The following CDR2 variants were observed in gnomAD, a reference collection of about 807,000 sequenced individuals.
CDR2 encodes the protein cerebellar degeneration-related protein 2.
In CDR2, 34 loss-of-function variants were observed where a neutral mutation model predicts 48.4. The ratio of observed to expected loss-of-function variants is 0.70; its 90% CI spans 0.53 to 0.94. CDR2 has a LOEUF of 0.94. Among genes scored for constraint, CDR2 ranks in the 40% least tolerant of loss-of-function variants. CDR2 has a pLI of 0.00. For missense variants in CDR2, 498 were observed against 549.5 expected (o/e 0.91, Z 0.94); for synonymous variants, 240 against 219.7 (o/e 1.09, Z -0.82).
chr16:22,357,893 T>G (rs2048985754), intron 2 of CDR2, among the ~76,000 whole-genome samples: 1 of 152,224 alleles, frequency 6.6e-6, no homozygotes, highest in South Asian at 2.1e-4. Context: ...ATATTTTGGT[T>G]TTAGATGACT....
At chr16:22,361,897 CTTTTT>C (rs11303236) in intron 2 of CDR2, among the ~76,000 whole-genome samples, 6 of 68,160 alleles carry the variant, frequency 8.8e-5, no homozygotes, top group Admixed American at 3.8e-4. Context: ...GAATTTTATA[CTTTTT>C]TTTTTTTTTT....
chr16:22,371,566 TAA>T (rs2049076581), intron 1 of CDR2, among the ~76,000 whole-genome samples: 1 of 152,220 alleles, frequency 6.6e-6, no homozygotes, highest in African/African-American at 2.4e-5. Context: ...AAAGAGCAGA[TAA>T]TACATTTTTG....
rs539223825 is a variant in CDR2, at chr16:22,349,852, G to T, written c.193-3C>A. 1.1e-4 allele frequency: 175 copies of T among 1,613,922 alleles called. 2 individuals carry two copies. The South Asian group carries it at 1.8e-3, about 17-fold the overall frequency. ...AGTTCCACTTGCTTCGTCAGATACT[G>T]TAAGAGAAGATCAGGACCAGGTGAC... On this transcript the variant is annotated splice_region_variant and splice_polypyrimidine_tract_variant and intron_variant, in intron 2 of 4. Coordinates refer to ENST00000268383, the MANE Select transcript of CDR2 (RefSeq NM_001802.2).
Position 22,347,327 on chromosome 16 carries a change from C to T in CDR2, c.1003G>A (p.Ala335Thr). The T allele has an allele frequency of 1.2e-6, 2 of 1,614,254 alleles. No individual in the cohort carries two copies. The highest frequency in any genetic ancestry group is 1.7e-6 in the Non-Finnish European group (2 of 1,180,038). ...KGHEETCIRR[A>T]KAVKQRGISL... ...ATGCCCCTCTGTTTCACAGCCTTGG[C>T]CCTCCTGATGCAGGTCTCCTCGTGG... Residue 335 changes from alanine (A) to threonine (T), a missense_variant, in exon 5 of 5, where the codon GCC becomes ACC. Physicochemically the swap from Ala to Thr is moderately conservative, Grantham distance 58. Coordinates refer to ENST00000268383, the MANE Select transcript of CDR2 (RefSeq NM_001802.2).
chr16:22,369,704 A>T (rs2049064336), intron 1 of CDR2, among the ~76,000 whole-genome samples: 1 of 152,226 alleles, frequency 6.6e-6, no homozygotes. Context: ...GTCTTTAAAA[A>T]AAGTTCATTT....
chr16:22,371,235 G>C (rs1022232380), intron 1 of CDR2, among the ~76,000 whole-genome samples: 1 of 151,998 alleles, frequency 6.6e-6, no homozygotes, highest in African/African-American at 2.4e-5. Context: ...GTTTTAAGCA[G>C]TTCTCTCCAA....
intron 1 of CDR2, among the ~76,000 whole-genome samples, chr16:22,368,621 C>G (rs1287538890): frequency 6.6e-6 from 1 of 152,150 alleles, no homozygotes; most frequent in Non-Finnish European, 1.5e-5. Flanking sequence ...TAATCAAGCT[C>G]CAAGGTGAGT....
At chr16:22,351,456 T>A (rs957252525) in intron 2 of CDR2, among the ~76,000 whole-genome samples, 1 of 152,206 alleles carries the variant, frequency 6.6e-6, no homozygotes, top group Non-Finnish European at 1.5e-5. Flanking sequence ...TCCACAATGG[T>A]TGAACTAATT....
At chr16:22,364,099 C>T (rs978044126) in intron 2 of CDR2, among the ~76,000 whole-genome samples, 2 of 152,064 alleles carry the variant, frequency 1.3e-5, no homozygotes, top group African/African-American at 4.8e-5. Flanking sequence ...GCCACCACAC[C>T]AGCCTAATTT....
intron 1 of CDR2, among the ~76,000 whole-genome samples, chr16:22,372,491 C>A (rs1459660605): frequency 6.6e-6 from 1 of 152,106 alleles, no homozygotes; most frequent in East Asian, 1.9e-4. Flanking sequence ...CCCTCTATGC[C>A]CTTAAAGATT....
intron 1 of CDR2, among the ~76,000 whole-genome samples, chr16:22,369,806 T>C (rs912757178): frequency 2.0e-5 from 3 of 151,528 alleles, no homozygotes; most frequent in Non-Finnish European, 4.4e-5. Context: ...GTGGAGGGAA[T>C]AGAATATTGA....
At chr16:22,369,815 G>C (rs1020269439) in intron 1 of CDR2, among the ~76,000 whole-genome samples, 4 of 151,736 alleles carry the variant, frequency 2.6e-5, no homozygotes, top group African/African-American at 9.7e-5. Context: ...ATAGAATATT[G>C]AATGTCCCTT....
rs1421747995 is a variant in CDR2, at chr16:22,346,464, T to A, written c.*501A>T. The A allele has an allele frequency of 9.6e-5, 15 of 156,306 alleles. No homozygotes were observed. The highest frequency in any genetic ancestry group is 2.9e-4 in the African/African-American group (12 of 41,466). 9.7% of individuals were successfully genotyped at this position (156,306 alleles called of 1,614,324 possible). On this transcript the variant is annotated 3_prime_UTR_variant, in exon 5 of 5. Coordinates refer to ENST00000268383, the MANE Select transcript of CDR2 (RefSeq NM_001802.2). ...GGACTTGGAGTATTGGTTAATGACA[T>A]TTCTTTTGGATTAGACCCCTGCTTT...
rs774731079 is a variant in CDR2, at chr16:22,347,788, ATCT to A, written c.539_541del (p.Lys180del). ...GCTTGGCTGACCTTGCAAGGAAGTGATCTTCTCAGCGAACACATGATCATACAC... is the reference window on the plus strand; with the variant it reads ...GCTTGGCTGACCTTGCAAGGAAGTGATCTCAGCGAACACATGATCATACAC... On this transcript the variant is annotated inframe_deletion, in exon 5 of 5. Coordinates refer to ENST00000268383, the MANE Select transcript of CDR2 (RefSeq NM_001802.2). 1.9e-6 allele frequency: 3 copies of A among 1,613,738 alleles called. No homozygotes were observed. The highest frequency in any genetic ancestry group is 1.7e-6 in the Non-Finnish European group (2 of 1,179,992).
chr16:22,351,541 C>T (rs545308226), intron 2 of CDR2, among the ~76,000 whole-genome samples: 3 of 152,138 alleles, frequency 2.0e-5, no homozygotes, highest in Admixed American at 2.0e-4. Context: ...AAATCAATCT[C>T]TTTCTCTGAA....
At chr16:22,363,427 T>C (rs1046484853) in intron 2 of CDR2, among the ~76,000 whole-genome samples, 9 of 152,352 alleles carry the variant, frequency 5.9e-5, no homozygotes, top group Non-Finnish European at 5.9e-5. Flanking sequence ...TTTATGTTAC[T>C]AGGTAAAATT....
chr16:22,372,868 T>C (rs1018147633), intron 1 of CDR2, among the ~76,000 whole-genome samples: 2 of 152,222 alleles, frequency 1.3e-5, no homozygotes, highest in Non-Finnish European at 2.9e-5. Flanking sequence ...TCTACATTCT[T>C]TTCTTCTGCC....
At position 22,345,937 on chromosome 16, in the gene CDR2, T is replaced by C. The variant is rs2048901178; in HGVS notation, c.*1028A>G. On this transcript the variant is annotated 3_prime_UTR_variant, in exon 5 of 5. Coordinates refer to ENST00000268383, the MANE Select transcript of CDR2 (RefSeq NM_001802.2). ...GAAAGTAAGACACAGATCCATCTGT[T>C]CATTTTCATAGGTAGCTTTATTTGG... is the stretch of plus-strand genomic sequence containing the variant. 1 of 152,682 alleles carries C rather than the reference T, an allele frequency of 6.5e-6. No individual in the cohort carries two copies. Among genetic ancestry groups the C allele is most frequent in the Non-Finnish European group, 1.5e-5 (1 of 68,040 alleles). The allele number at this position is 152,682 out of a possible 1,614,324, so 9.5% of individuals were successfully genotyped here.
chr16:22,373,957 C>T (rs2049097864), intron 1 of CDR2, among the ~76,000 whole-genome samples: 1 of 152,232 alleles, frequency 6.6e-6, no homozygotes, highest in South Asian at 2.1e-4. Flanking sequence ...CTAGCTAATC[C>T]ACGGAAAGCG....
Sources: allele counts gnomAD v4.1 joint callset (sites outside exome capture counted in the v4.1 genomes callset), GRCh38; gene constraint gnomAD v4.1.1; transcripts MANE v1.5; gene names NCBI Gene and HGNC (gene_info 2026-07-23, HGNC 2026-07-21).